EDRF1: variants seen among roughly 807,000 people sequenced by gnomAD.
EDRF1 encodes the protein erythroid differentiation-related factor 1.
Under a neutral mutation model 148.7 loss-of-function variants are expected in EDRF1, and 69 were observed. The observed-to-expected ratio is 0.46, with a 90% CI of 0.38 to 0.57. The LOEUF is 0.57. Among genes scored for constraint, EDRF1 ranks in the 20% least tolerant of loss-of-function variants. The pLI, the probability that EDRF1 is intolerant of heterozygous loss-of-function variation, is 0.00. For synonymous variants in EDRF1, 515 were observed against 532.8 expected (o/e 0.97, Z 0.46); for missense variants, 1,118 against 1,478.7 (o/e 0.76, Z 4.00).
chr10:125,733,673 A>C lies in EDRF1; in HGVS notation c.1315A>C (p.Thr439Pro). The change falls in exon 11 of 25, where the codon ACT becomes CCT. Residue 439 changes from threonine (T) to proline (P), a missense_variant. Coordinates refer to ENST00000356792, the MANE Select transcript of EDRF1 (RefSeq NM_001202438.2). ...SDIVKLYDLT[T>P]LCEETEDKYQ... is the part of the protein sequence containing the mutation. Reference sequence around the variant, plus strand: ...TATAGTGAAGCTCTATGACCTCACTACTCTTTGTGAAGAAACTGAAGACAA... The same window carrying C: ...TATAGTGAAGCTCTATGACCTCACTCCTCTTTGTGAAGAAACTGAAGACAA... 6.2e-7 allele frequency: 1 copy of C among 1,613,552 alleles called. No homozygotes were observed. Among genetic ancestry groups the C allele is most frequent in the African/African-American group, 1.3e-5 (1 of 74,978 alleles).
At chr10:125,752,756 G>T in intron 22 of EDRF1, 43 bp from the exon 23 acceptor site, 1 of 1,339,190 alleles carries the variant, frequency 7.5e-7, no homozygotes, top group African/African-American at 1.4e-5. Context: ...TGGGTTTCTA[G>T]ATTTATATTA....
At chr10:125,731,089 G>T (rs553923447) in intron 9 of EDRF1, among the ~76,000 whole-genome samples, 18 of 152,320 alleles carry the variant, frequency 1.2e-4, no homozygotes, top group Middle Eastern at 3.4e-3. Flanking sequence ...TGAGGCTGCA[G>T]TGAGCTATGA....
At chr10:125,746,741 C>T (rs1481690091) in intron 19 of EDRF1, 2 of 152,266 alleles carry the variant, frequency 1.3e-5, no homozygotes, top group Non-Finnish European at 2.9e-5. Context: ...TGCCAACACG[C>T]CTGTCTCATT....
At position 125,738,358 on chromosome 10, in the gene EDRF1, A is replaced by T. The variant is rs1041091037; in HGVS notation, c.1894A>T (p.Thr632Ser). Residue 632 changes from threonine (T) to serine (S), a missense_variant, in exon 15 of 25, where the codon ACT becomes TCT. Around this residue, in one of 3 missense-constraint regions of EDRF1, gnomAD observed 954 missense variants for 1,241.4 expected, o/e 0.77. Coordinates refer to ENST00000356792, the MANE Select transcript of EDRF1 (RefSeq NM_001202438.2). ...ESDLPAADPS[T>S]PIPLKYEDES... ...CGACCTTCCAGCAGCTGACCCCAGC[A>T]CTCCAATCCCGTTAAAATATGAAGA... The T allele has an allele frequency of 6.2e-7, 1 of 1,613,988 alleles. No homozygotes were observed. Among genetic ancestry groups the T allele is most frequent in the African/African-American group, 1.3e-5 (1 of 74,874 alleles).
intron 2 of EDRF1, among the ~76,000 whole-genome samples, chr10:125,722,484 A>T (rs1358346068): frequency 6.6e-6 from 1 of 152,140 alleles, no homozygotes; most frequent in Non-Finnish European, 1.5e-5. Context: ...GAACATGGTG[A>T]TGTCGGGTAC....
chr10:125,751,079 G>T (rs151201739), intron 22 of EDRF1, among the ~76,000 whole-genome samples: 3 of 152,118 alleles, frequency 2.0e-5, no homozygotes, highest in East Asian at 3.9e-4. Context: ...TCCCCGAGTA[G>T]CTGAGATCAC....
At chr10:125,761,350 T>G in intron 24 of EDRF1, 1 of 246,980 alleles carries the variant, frequency 4.0e-6, no homozygotes, top group South Asian at 3.9e-5. Context: ...TAGAATTTAC[T>G]CTTCTACTGT....
chr10:125,742,655 G>C, intron 17 of EDRF1: 1 of 985,086 alleles, frequency 1.0e-6, no homozygotes, highest in South Asian at 4.7e-5. Context: ...ATCTTCGAGG[G>C]CTTCTGTAGC....
rs1319253364 is a variant in EDRF1 at position 125,736,009 on chromosome 10, G to A, written c.1758+105G>A. The A allele has an allele frequency of 2.1e-5, 23 of 1,105,540 alleles. 1 individual carries two copies. The highest frequency in any genetic ancestry group is 1.9e-4 in the East Asian group (8 of 42,178). 68.5% of individuals were successfully genotyped at this position (1,105,540 alleles called of 1,614,324 possible). A position where few individuals can be genotyped will look rare whatever the true frequency, so the allele number is the denominator to read the frequency against. On this transcript the variant is annotated intron_variant, in intron 13 of 24. Transcript: ENST00000356792. ...ACCATTACTTCAATAAACCTTTCATGGTCTAGCATCTAGTAATCATTAGTT... is the reference window on the plus strand; with the variant it reads ...ACCATTACTTCAATAAACCTTTCATAGTCTAGCATCTAGTAATCATTAGTT...
chr10:125,761,277 G>T (rs762141021), intron 24 of EDRF1: 4 of 349,086 alleles, frequency 1.1e-5, no homozygotes, highest in Admixed American at 3.7e-5. Flanking sequence ...GCATTGACCT[G>T]CTAGAAATTC....
intron 15 of EDRF1, among the ~76,000 whole-genome samples, 159 bp downstream of exon 15, chr10:125,738,604 T>A (rs1159540591): frequency 6.6e-6 from 1 of 152,188 alleles, no homozygotes; most frequent in Non-Finnish European, 1.5e-5. Flanking sequence ...ATTTGAAATA[T>A]AAAAAGGATA....
chr10:125,736,980 T>G (rs1208999137), intron 13 of EDRF1, among the ~76,000 whole-genome samples: 1 of 152,086 alleles, frequency 6.6e-6, no homozygotes, highest in Non-Finnish European at 1.5e-5. Flanking sequence ...GTACAGACCC[T>G]CTATCTCCCA....
At chr10:125,727,776 C>G (rs1395005918) in intron 6 of EDRF1, among the ~76,000 whole-genome samples, 2 of 152,138 alleles carry the variant, frequency 1.3e-5, no homozygotes, top group African/African-American at 4.8e-5. Context: ...GTCTTGGGTT[C>G]TGTTGAGGCA....
In EDRF1 at chr10:125,755,266, G is replaced by A. The variant is rs563251388; in HGVS notation, c.3545+1421G>A. ...ATTACATTTATTGAGATGACTACATGGTTTCCCTTGTTTAGCCTTGTTTAG... is the reference window on the plus strand; with the variant it reads ...ATTACATTTATTGAGATGACTACATAGTTTCCCTTGTTTAGCCTTGTTTAG... On this transcript the variant is annotated intron_variant, in intron 24 of 24. Coordinates refer to ENST00000356792, the MANE Select transcript of EDRF1 (RefSeq NM_001202438.2). Among the ~76,000 whole-genome samples the A allele has an allele frequency of 2.6e-5, 4 of 152,252 alleles. No individual in the cohort carries two copies. The South Asian group carries it at 8.3e-4, about 32-fold the overall frequency.
In EDRF1 at chr10:125,733,376, C is replaced by T. The variant is rs373033431; in HGVS notation, c.1129-28C>T. Reference sequence around the variant, plus strand: ...TTGTTTCCTTGGGTTTTCTCTTAAACTGCTTTCCATCTGTCTGTATTTTAC... The same window carrying T: ...TTGTTTCCTTGGGTTTTCTCTTAAATTGCTTTCCATCTGTCTGTATTTTAC... On this transcript the variant is annotated intron_variant, in intron 9 of 24. Transcript: ENST00000356792. The T allele has an allele frequency of 1.5e-5, 23 of 1,537,572 alleles. No individual in the cohort carries two copies. In the African/African-American group the frequency reaches 3.2e-4, roughly 21 times the overall value.
intron 14 of EDRF1, 52 bp from the exon 15 acceptor site, chr10:125,738,243 T>A (rs1848835348): frequency 3.7e-6 from 6 of 1,607,958 alleles, no homozygotes; most frequent in African/African-American, 1.3e-5. Flanking sequence ...ATATTTAGTT[T>A]TCAGTTGACC....
At chr10:125,736,885 C>CT (rs1274705321) in intron 13 of EDRF1, among the ~76,000 whole-genome samples, 1 of 151,996 alleles carries the variant, frequency 6.6e-6, no homozygotes, top group Non-Finnish European at 1.5e-5. Flanking sequence ...AAAGCATGCT[C>CT]TACTTTTTTG....
intron 24 of EDRF1, chr10:125,757,071 C>G (rs1353860163): frequency 2.3e-6 from 1 of 428,954 alleles, no homozygotes; most frequent in African/African-American, 2.0e-5. Flanking sequence ...CCCCAGACTC[C>G]CAAAGTGCTG....
Position 125,730,308 on chromosome 10 carries a change from A to G in EDRF1, c.1037A>G (p.Asn346Ser). ...TTTAGGGATAACAACAAACCAATTA[A>G]TGTGCTAACTGGAATTGACTATTGG... is the stretch of plus-strand genomic sequence containing the variant. ...LRLRDNNKPINVLTGIDYWLD... is the reference protein window; with the variant it reads ...LRLRDNNKPISVLTGIDYWLD... The change falls in exon 9 of 25, where the codon AAT becomes AGT. Residue 346 changes from asparagine (N) to serine (S), a missense_variant. Asn to Ser is a conservative substitution (Grantham distance 46). Around this residue, in one of 3 missense-constraint regions of EDRF1, gnomAD observed 954 missense variants for 1,241.4 expected, o/e 0.77. Transcript: ENST00000356792. 6.2e-7 allele frequency: 1 copy of G among 1,613,424 alleles called. No individual in the cohort carries two copies.
Sources: gnomAD v4.1 joint callset for allele counts (sites outside exome capture counted in the v4.1 genomes callset) on GRCh38, gnomAD v4.1.1 for gene constraint, gnomAD v4.1.1 regional missense constraint, MANE v1.5 for transcripts, NCBI Gene and HGNC (gene_info 2026-07-23, HGNC 2026-07-21) for gene names.